HAS2: variants seen among roughly 807,000 people sequenced by gnomAD.
The protein encoded by HAS2 is hyaluronan synthase 2, also known as HA synthase 2.
Under a neutral mutation model 51.6 loss-of-function variants are expected in HAS2, and 16 were observed. That is an observed-to-expected ratio of 0.31 (90% CI 0.21 to 0.47). The LOEUF is 0.47. Ranked by LOEUF, HAS2 falls within the 20% of genes least tolerant of loss-of-function variation. The probability of loss-of-function intolerance (pLI) is 1.00; values close to 1 mark genes in which losing one functional copy is unlikely to be tolerated. For missense variants in HAS2, 361 were observed against 662.6 expected, an observed-to-expected ratio of 0.54 and a Z score of 5.00; for synonymous variants, 228 against 235.5, an observed-to-expected ratio of 0.97 and a Z score of 0.29.
chr8:121,636,552 G>C (rs1813012208), intron 1 of HAS2, among the ~76,000 whole-genome samples: 1 of 152,094 alleles, frequency 6.6e-6, no homozygotes, highest in East Asian at 1.9e-4. Context: ...CGGTGTCTGG[G>C]TTCAGAACTG....
At position 121,613,751 on chromosome 8, in the gene HAS2, T is replaced by G. The variant is rs1414565483; in HGVS notation, c.*358A>C. ...AGTCCATAAGTTAGGTTGTATAGGT[T>G]GAAAGAACTTTTCCTTGAGTTTCCA... On this transcript the variant is annotated 3_prime_UTR_variant, in exon 4 of 4. Transcript: ENST00000303924. The G allele has an allele frequency of 3.8e-6, 1 of 259,788 alleles. No homozygotes were observed. The highest frequency in any genetic ancestry group is 7.5e-6 in the Non-Finnish European group (1 of 132,742). 16.1% of individuals were successfully genotyped at this position (259,788 alleles called of 1,614,324 possible).
At chr8:121,623,680 A>C (rs955475284) in intron 2 of HAS2, among the ~76,000 whole-genome samples, 6 of 152,230 alleles carry the variant, frequency 3.9e-5, no homozygotes, top group Non-Finnish European at 5.9e-5. Context: ...CTTAGAGATC[A>C]TCTGGTCTAC....
At chr8:121,616,392 T>C (rs1196341104) in intron 3 of HAS2, among the ~76,000 whole-genome samples, 2 of 152,034 alleles carry the variant, frequency 1.3e-5, no homozygotes, top group Non-Finnish European at 2.9e-5. Context: ...AGGTATAAGA[T>C]ATATACCAAT....
chr8:121,612,577 T>C lies in HAS2; in HGVS notation c.*1532A>G, dbSNP rs1053020712. The C allele has an allele frequency of 6.6e-6, 1 of 152,086 alleles. No individual in the cohort carries two copies. The highest frequency in any genetic ancestry group is 1.5e-5 in the Non-Finnish European group (1 of 68,008). 9.4% of individuals were successfully genotyped at this position (152,086 alleles called of 1,614,324 possible). A position where few individuals can be genotyped will look rare whatever the true frequency, so the allele number is the denominator to read the frequency against. On this transcript the variant is annotated 3_prime_UTR_variant, in exon 4 of 4. Transcript: ENST00000303924. The stretch of plus-strand genomic sequence containing the variant: ...ATTCCGATTGTGTTTTCAACACAGG[T>C]CTACACAGCACCAGCTACAAGGCAA...
intron 2 of HAS2, among the ~76,000 whole-genome samples, chr8:121,624,599 G>A (rs1318701613): frequency 1.3e-5 from 2 of 152,168 alleles, no homozygotes; most frequent in Non-Finnish European, 2.9e-5. Context: ...AGAATGCTGT[G>A]ATATTAAATC....
At chr8:121,626,194 T>C (rs1812849351) in intron 2 of HAS2, among the ~76,000 whole-genome samples, 2 of 152,242 alleles carry the variant, frequency 1.3e-5, no homozygotes, top group Non-Finnish European at 2.9e-5. Context: ...AAAGATGATC[T>C]TGACAGCATT....
chr8:121,623,280 C>G (rs62524932), intron 2 of HAS2, among the ~76,000 whole-genome samples: 46,907 of 151,882 alleles, frequency 0.31, 7,742 homozygotes, highest in African/African-American at 0.42. Context: ...TCCTTTTTAG[C>G]AAAGTTGAAA....
intron 2 of HAS2, among the ~76,000 whole-genome samples, chr8:121,622,414 C>A (rs1744286552): frequency 6.6e-6 from 1 of 152,076 alleles, no homozygotes; most frequent in Non-Finnish European, 1.5e-5. Flanking sequence ...ACTACAGACT[C>A]CTTACCTCCT....
Position 121,614,114 on chromosome 8 carries a change from C to T in HAS2, c.1654G>A (p.Val552Ile). 6.2e-7 allele frequency: 1 copy of T among 1,613,886 alleles called. No individual in the cohort carries two copies. The highest frequency in any genetic ancestry group is 8.5e-7 in the Non-Finnish European group (1 of 1,179,784). ...KGQQYDMVLD[V>I] ...AAACGTCAAAACATGGAAGATCATA[C>T]ATCAAGCACCATGTCATATTGTTGT... is the stretch of plus-strand genomic sequence containing the variant. The change falls in exon 4 of 4, where the codon GTA becomes ATA. Residue 552 changes from valine to isoleucine, a missense_variant. Physicochemically the swap from Val to Ile is conservative, Grantham distance 29 (BLOSUM62 3). Transcript: ENST00000303924. This position sits in a 1 kb window ranked among gnomAD's most constrained non-coding sequence, Gnocchi z 7.2.
At chr8:121,638,138 AT>A (rs544612713) in intron 1 of HAS2, among the ~76,000 whole-genome samples, 4 of 151,884 alleles carry the variant, frequency 2.6e-5, no homozygotes, top group African/African-American at 4.8e-5. Flanking sequence ...CAAGAAAAAA[AT>A]TTTTTTAAAA....
intron 1 of HAS2, among the ~76,000 whole-genome samples, chr8:121,635,810 G>A (rs1273590315): frequency 6.6e-6 from 1 of 152,190 alleles, no homozygotes; most frequent in Non-Finnish European, 1.5e-5. Flanking sequence ...CTAAAACATA[G>A]GCTGTCTTTA....
intron 1 of HAS2, among the ~76,000 whole-genome samples, chr8:121,630,058 G>A (rs185490219): frequency 1.9e-3 from 295 of 151,546 alleles, no homozygotes; most frequent in Non-Finnish European, 3.1e-3. Context: ...ACCCTGCATA[G>A]ATGTCTATTA....
chr8:121,633,505 C>T (rs891886214), intron 1 of HAS2, among the ~76,000 whole-genome samples: 2 of 152,134 alleles, frequency 1.3e-5, no homozygotes, highest in South Asian at 4.1e-4. Flanking sequence ...AGTACAGACA[C>T]AAGGCTAGCC....
At chr8:121,625,663 C>T (rs186890059) in intron 2 of HAS2, among the ~76,000 whole-genome samples, 27 of 150,044 alleles carry the variant, frequency 1.8e-4, no homozygotes, top group African/African-American at 6.4e-4. Context: ...CATGCACCAC[C>T]AAGTCCAGCT....
chr8:121,637,423 C>T (rs1813025292), intron 1 of HAS2, among the ~76,000 whole-genome samples: 1 of 140,184 alleles, frequency 7.1e-6, no homozygotes, highest in Non-Finnish European at 1.5e-5. Flanking sequence ...TAGAGCCTCA[C>T]TCTGTCACCC....
intron 1 of HAS2, among the ~76,000 whole-genome samples, chr8:121,637,239 GC>G (rs1160344373): frequency 2.0e-5 from 3 of 151,796 alleles, no homozygotes; most frequent in Admixed American, 2.0e-4. Flanking sequence ...CAGTTAAGAG[GC>G]ATTCATTAAT....
At chr8:121,626,463 A>G (rs1049461609) in intron 2 of HAS2, among the ~76,000 whole-genome samples, 2 of 152,182 alleles carry the variant, frequency 1.3e-5, no homozygotes, top group Non-Finnish European at 2.9e-5. Flanking sequence ...CAAGTTTGTA[A>G]GCATGGTCAA....
In HAS2 at chr8:121,637,390, C is replaced by CTTTTTTTTTTTTTTTTT. The variant is rs397728062; in HGVS notation, c.-1+3446_-1+3462dup. On this transcript the variant is annotated intron_variant, in intron 1 of 3. Coordinates refer to ENST00000303924, the MANE Select transcript of HAS2 (RefSeq NM_005328.3). Reference sequence around the variant, plus strand: ...CCACATGACTACCATTCAAAATAGACTTTTTTTTTTTTTTTTTTGAGATAG... The same window carrying CTTTTTTTTTTTTTTTTT: ...CCACATGACTACCATTCAAAATAGACTTTTTTTTTTTTTTTTTTTTTTTTTTTTTTTTTTTGAGATAG... Among the ~76,000 whole-genome samples the CTTTTTTTTTTTTTTTTT allele has an allele frequency of 1.5e-5, 2 of 130,774 alleles. 1 individual carries two copies. Among genetic ancestry groups the CTTTTTTTTTTTTTTTTT allele is most frequent in the African/African-American group, 5.9e-5 (2 of 33,748 alleles). 85.8% of individuals were successfully genotyped at this position (130,774 alleles called of 152,430 possible). A position where few individuals can be genotyped will look rare whatever the true frequency, so the allele number is the denominator to read the frequency against.
At chr8:121,624,442 C>T (rs926119430) in intron 2 of HAS2, among the ~76,000 whole-genome samples, 6 of 152,224 alleles carry the variant, frequency 3.9e-5, no homozygotes, top group African/African-American at 1.4e-4. Context: ...TGACCACCTA[C>T]TGACTGCAAT....
Sources: allele counts gnomAD v4.1 joint callset (sites outside exome capture counted in the v4.1 genomes callset), GRCh38; gene constraint gnomAD v4.1.1; non-coding constraint Gnocchi (gnomAD v3.1); transcripts MANE v1.5; gene names NCBI Gene and HGNC (gene_info 2026-07-23, HGNC 2026-07-21).